Variants in CASK observed in about 807,000 individuals in gnomAD.
The protein encoded by CASK is peripheral plasma membrane protein CASK.
CASK carries 4 observed loss-of-function variants against 82.9 expected under a neutral mutation model. The ratio of observed to expected loss-of-function variants is 0.05; its 90% CI spans 0.02 to 0.11. CASK has a LOEUF of 0.11. CASK is among the 10% of genes least tolerant of loss of function. The probability of loss-of-function intolerance (pLI) is 1.00; values close to 1 mark genes in which losing one functional copy is unlikely to be tolerated. For missense variants in CASK, 358 were observed against 720.9 expected, an observed-to-expected ratio of 0.50 and a Z score of 5.76; for synonymous variants, 259 against 253.5, an observed-to-expected ratio of 1.02 and a Z score of -0.20.
At chrX:41,639,351 C>T (rs922485209) in intron 8 of CASK, among the ~76,000 whole-genome samples, 2 of 107,451 alleles carry the variant, frequency 1.9e-5, no homozygotes, top group Non-Finnish European at 3.8e-5. Flanking sequence ...GGATTACAGG[C>T]GCGAGCCACC....
chrX:41,572,028 C>T (rs1179293773), intron 15 of CASK, among the ~76,000 whole-genome samples: 1 of 110,515 alleles, frequency 9.0e-6, no homozygotes, highest in African/African-American at 3.3e-5. Flanking sequence ...ATCAATAAAG[C>T]TACTCCAGCT....
At chrX:41,835,745 T>A (rs1381162277) in intron 2 of CASK, among the ~76,000 whole-genome samples, 1 of 112,286 alleles carries the variant, frequency 8.9e-6, no homozygotes, top group Non-Finnish European at 1.9e-5. Flanking sequence ...ATCTACACTA[T>A]TTTTTAAAAG....
chrX:41,543,351 A>G (rs984287440), intron 21 of CASK, among the ~76,000 whole-genome samples: 3 of 112,080 alleles, frequency 2.7e-5, no homozygotes, highest in African/African-American at 9.7e-5. Flanking sequence ...AGAATATTCT[A>G]TCCGCAGTGT....
chrX:41,631,832 T>A (rs2066472271), intron 9 of CASK, among the ~76,000 whole-genome samples: 1 of 111,982 alleles, frequency 8.9e-6, no homozygotes, highest in South Asian at 3.7e-4. Context: ...ATATGTAAGA[T>A]CAAAATCACT....
At chrX:41,598,471 C>T (rs1179711255) in intron 12 of CASK, among the ~76,000 whole-genome samples, 8 of 111,117 alleles carry the variant, frequency 7.2e-5, no homozygotes, top group South Asian at 7.7e-4. Flanking sequence ...CCTGCCTTAG[C>T]CTCCTGAGTA....
intron 8 of CASK, among the ~76,000 whole-genome samples, chrX:41,643,493 T>C (rs1461568361): frequency 4.5e-5 from 5 of 111,568 alleles, no homozygotes; most frequent in East Asian, 2.8e-4. Context: ...CTTCACATCC[T>C]TTGTAAGTTG....
intron 25 of CASK, 193 bp from the exon 26 acceptor site, chrX:41,524,227 G>T: frequency 2.4e-6 from 1 of 418,861 alleles, no homozygotes; most frequent in Non-Finnish European, 4.1e-6. Context: ...ATGGACAATA[G>T]CCATCAGAAA....
intron 2 of CASK, among the ~76,000 whole-genome samples, chrX:41,790,571 TG>T (rs982073109): frequency 1.8e-5 from 2 of 111,721 alleles, no homozygotes; most frequent in African/African-American, 6.5e-5. Context: ...GCAGAATTGC[TG>T]GGGGGCCAGC....
At chrX:41,603,881 T>C (rs758451311) in intron 12 of CASK, among the ~76,000 whole-genome samples, 1 of 111,856 alleles carries the variant, frequency 8.9e-6, no homozygotes, top group Admixed American at 9.5e-5. Flanking sequence ...AACTAAACAT[T>C]TATTATTTTA....
intron 4 of CASK, among the ~76,000 whole-genome samples, chrX:41,744,758 A>T (rs1445310526): frequency 2.7e-5 from 3 of 112,023 alleles, no homozygotes; most frequent in South Asian, 3.7e-4. Context: ...ATATATTTTT[A>T]AAAATGGTGC....
At chrX:41,608,669 T>C (rs1251534161) in intron 12 of CASK, among the ~76,000 whole-genome samples, 1 of 112,354 alleles carries the variant, frequency 8.9e-6, no homozygotes, top group African/African-American at 3.2e-5. Context: ...GAAATGAAAA[T>C]GGTCAGCTTC....
chrX:41,749,314 A>C (rs918054532), intron 3 of CASK, among the ~76,000 whole-genome samples: 1 of 108,003 alleles, frequency 9.3e-6, no homozygotes, highest in African/African-American at 3.4e-5. Context: ...GACAGACAAA[A>C]TAAAATACTG....
chrX:41,858,690 A>G (rs1479553644), intron 1 of CASK, among the ~76,000 whole-genome samples: 1 of 112,110 alleles, frequency 8.9e-6, no homozygotes, highest in Non-Finnish European at 1.9e-5. Flanking sequence ...GAGCTTGTTC[A>G]GCTTCTCTTC....
intron 3 of CASK, among the ~76,000 whole-genome samples, chrX:41,772,153 C>T (rs2069254695): frequency 9.1e-6 from 1 of 109,380 alleles, no homozygotes; most frequent in Non-Finnish European, 1.9e-5. Context: ...GAGTTTGAGA[C>T]CAGTCTGGCC....
intron 3 of CASK, among the ~76,000 whole-genome samples, chrX:41,747,719 G>A (rs1239076188): frequency 8.9e-6 from 1 of 112,590 alleles, no homozygotes; most frequent in East Asian, 2.8e-4. Flanking sequence ...GGGATTACAG[G>A]CATGAGCCAC....
At chrX:41,856,481 G>A (rs189520976) in intron 1 of CASK, among the ~76,000 whole-genome samples, 29 of 111,392 alleles carry the variant, frequency 2.6e-4, no homozygotes, top group African/African-American at 9.5e-4. Flanking sequence ...TGGAAGTGAA[G>A]AGAGGGTAGA....
chrX:41,734,783 C>T (rs149233733), intron 5 of CASK, among the ~76,000 whole-genome samples: 221 of 111,249 alleles, frequency 2.0e-3, no homozygotes, highest in African/African-American at 6.7e-3. Context: ...ATTCCCAGGA[C>T]AGCCTCCCAC....
intron 2 of CASK, among the ~76,000 whole-genome samples, chrX:41,835,764 CA>C (rs2070916153): frequency 8.9e-6 from 1 of 111,982 alleles, no homozygotes; most frequent in Non-Finnish European, 1.9e-5. Flanking sequence ...AGGCAAAAAA[CA>C]AGATGAAAGA....
intron 5 of CASK, among the ~76,000 whole-genome samples, chrX:41,717,934 G>A (rs113078189): frequency 0.01 from 1,139 of 112,252 alleles, 13 homozygotes; most frequent in African/African-American, 0.034. Flanking sequence ...AGGTGACTGC[G>A]GTCTGGCAGC....
Sources: allele counts gnomAD v4.1 joint callset (sites outside exome capture counted in the v4.1 genomes callset), GRCh38; gene constraint gnomAD v4.1.1; transcripts MANE v1.5; gene names NCBI Gene and HGNC (gene_info 2026-07-23, HGNC 2026-07-21).